The following SCN2A variants were observed in gnomAD, a reference collection of about 807,000 sequenced individuals.
The protein encoded by SCN2A is sodium channel protein type 2 subunit alpha.
A neutral mutation model predicts 188.7 loss-of-function variants in SCN2A; 20 were observed. The observed-to-expected ratio is 0.11, with a 90% confidence interval of 0.07 to 0.15. The LOEUF (loss-of-function observed/expected upper bound fraction) is 0.15. Among genes scored for constraint, SCN2A ranks in the 10% least tolerant of loss-of-function variants. SCN2A has a pLI of 1.00. For synonymous variants in SCN2A, 804 were observed against 833.1 expected (o/e 0.97, Z 0.60); for missense variants, 1,278 against 2,445.0 (o/e 0.52, Z 10.07).
chr2:165,345,485 T>A (rs1699528059), intron 16 of SCN2A, among the ~76,000 whole-genome samples: 1 of 152,162 alleles, frequency 6.6e-6, no homozygotes, highest in Admixed American at 6.6e-5. Context: ...TTCTTTGTCT[T>A]TTTTTAATCT....
At chr2:165,274,310 A>G (rs1345003435) in intron 1 of SCN2A, 1 of 151,430 alleles carries the variant, frequency 6.6e-6, no homozygotes, top group Non-Finnish European at 1.5e-5. Flanking sequence ...TAGTATATTT[A>G]TGGATTTAAC....
intron 14 of SCN2A, among the ~76,000 whole-genome samples, chr2:165,335,372 A>T (rs1369134306): frequency 4.0e-5 from 6 of 151,802 alleles, no homozygotes; most frequent in Non-Finnish European, 5.9e-5. Context: ...AAGCAAAAGT[A>T]AGCAAGATAG....
At chr2:165,250,886 A>G (rs1025169356) in intron 1 of SCN2A, among the ~76,000 whole-genome samples, 14 of 151,986 alleles carry the variant, frequency 9.2e-5, no homozygotes, top group Non-Finnish European at 1.5e-5. Context: ...GTTCTTCATC[A>G]TTTTTCTGAG....
At position 165,388,973 on chromosome 2, in the gene SCN2A, A is replaced by G; in HGVS notation, c.5167A>G (p.Ile1723Val). Residue 1723 changes from isoleucine to valine, a missense_variant, in exon 27 of 27, where the codon ATT (isoleucine) becomes GTT (valine). By Grantham distance (29) the Ile-to-Val change is conservative. This residue lies in a region of SCN2A where 47 missense variants were observed against 109.0 expected (regional missense o/e 0.43). Coordinates refer to ENST00000375437, the MANE Select transcript of SCN2A (RefSeq NM_001040142.2). ...TGGCTGGGATGGATTGCTAGCACCT[A>G]TTCTTAATAGTGGACCTCCAGACTG... ...SAGWDGLLAP[I>V]LNSGPPDCDP... The G allele has an allele frequency of 1.2e-6, 2 of 1,614,104 alleles. No individual in the cohort carries two copies. The highest frequency in any genetic ancestry group is 1.7e-6 in the Non-Finnish European group (2 of 1,180,010).
At chr2:165,379,470 T>C (rs905453795) in intron 23 of SCN2A, among the ~76,000 whole-genome samples, 6 of 151,764 alleles carry the variant, frequency 4.0e-5, no homozygotes, top group African/African-American at 1.4e-4. Context: ...CCAGCAGGGA[T>C]GATGGAGTTT....
intron 6 of SCN2A, among the ~76,000 whole-genome samples, chr2:165,309,802 G>A (rs1184055999): frequency 6.6e-6 from 1 of 152,128 alleles, no homozygotes; most frequent in Admixed American, 6.6e-5. Context: ...TTAAGCTGCA[G>A]ATAAATGAAA....
chr2:165,336,468 C>T (rs868139761), intron 14 of SCN2A, among the ~76,000 whole-genome samples: 3 of 151,860 alleles, frequency 2.0e-5, no homozygotes, highest in South Asian at 2.1e-4. Context: ...ATTAAGTGAA[C>T]AAAGCCAGTC....
chr2:165,354,873 AT>A (rs1700103362), intron 17 of SCN2A, among the ~76,000 whole-genome samples: 1 of 152,216 alleles, frequency 6.6e-6, no homozygotes, highest in African/African-American at 2.4e-5. Context: ...ATGCTGACTT[AT>A]GTTTCCAATA....
At chr2:165,250,489 TCACACACA>T (rs3029614) in intron 1 of SCN2A, among the ~76,000 whole-genome samples, 35 of 148,284 alleles carry the variant, frequency 2.4e-4, no homozygotes, top group African/African-American at 4.5e-4. Context: ...TTGCTCTATT[TCACACACA>T]CACACACACA....
intron 1 of SCN2A, chr2:165,270,394 T>G (rs1006346119): frequency 2.0e-5 from 3 of 152,084 alleles, no homozygotes; most frequent in Non-Finnish European, 2.9e-5. Flanking sequence ...GTACTAGAAT[T>G]GTAATTTAAA....
chr2:165,309,655 A>G (rs1697329215), intron 6 of SCN2A, among the ~76,000 whole-genome samples: 1 of 152,160 alleles, frequency 6.6e-6, no homozygotes, highest in African/African-American at 2.4e-5. Context: ...GAGTTTAACA[A>G]GTGTTGCATG....
chr2:165,375,394 C>T (rs958645843), intron 22 of SCN2A, among the ~76,000 whole-genome samples: 2 of 143,666 alleles, frequency 1.4e-5, no homozygotes, highest in Non-Finnish European at 3.0e-5. Context: ...TGTGTGTGTA[C>T]ATATATGTAT....
At chr2:165,241,491 C>G (rs2106049699) in intron 1 of SCN2A, among the ~76,000 whole-genome samples, 2 of 152,286 alleles carry the variant, frequency 1.3e-5, no homozygotes, top group East Asian at 3.9e-4. Context: ...TGTTCACTTA[C>G]TAGGCACAGG....
intron 16 of SCN2A, among the ~76,000 whole-genome samples, chr2:165,352,859 T>G (rs1699997359): frequency 6.6e-6 from 1 of 152,156 alleles, no homozygotes; most frequent in African/African-American, 2.4e-5. Flanking sequence ...CCCCAAGCAT[T>G]TCAAATAAGG....
intron 1 of SCN2A, among the ~76,000 whole-genome samples, chr2:165,279,076 C>G (rs1695474046): frequency 6.6e-6 from 1 of 152,160 alleles, no homozygotes; most frequent in Non-Finnish European, 1.5e-5. Flanking sequence ...AAAACTGAGT[C>G]TCTGAGAGTT....
chr2:165,289,448 C>T (rs754217248), intron 1 of SCN2A, among the ~76,000 whole-genome samples: 27 of 152,010 alleles, frequency 1.8e-4, no homozygotes, highest in Non-Finnish European at 2.9e-4. Context: ...CAAATAATAT[C>T]GTTTGCCTTT....
Position 165,390,033 on chromosome 2 carries a change from T to A in SCN2A, c.*209T>A, listed in dbSNP as rs1574755541. The A allele has an allele frequency of 6.8e-6, 5 of 734,690 alleles. No individual in the cohort carries two copies. The East Asian group carries it at 1.5e-4, about 22-fold the overall frequency. The allele number at this position is 734,690 out of a possible 1,614,324, so 45.5% of individuals were successfully genotyped here. ...CTGGAGAAATAGTATCGATGGGAGGTTTCTATTTTCACAACCAGCTGACAC... is the reference window on the plus strand; with the variant it reads ...CTGGAGAAATAGTATCGATGGGAGGATTCTATTTTCACAACCAGCTGACAC... On this transcript the variant is annotated 3_prime_UTR_variant, in exon 27 of 27. Coordinates refer to ENST00000375437, the MANE Select transcript of SCN2A (RefSeq NM_001040142.2).
At position 165,344,720 on chromosome 2, in the gene SCN2A, T is replaced by C; in HGVS notation, c.2728T>C (p.Cys910Arg). The C allele has an allele frequency of 6.2e-7, 1 of 1,614,138 alleles. No homozygotes were observed. The highest frequency in any genetic ancestry group is 8.5e-7 in the Non-Finnish European group (1 of 1,180,022). ...GCTCTTTGGTAAGAGCTACAAAGAA[T>C]GTGTCTGCAAGATTTCCAATGATTG... ...MQLFGKSYKE[C>R]VCKISNDCEL... is the part of the protein sequence containing the mutation. Residue 910 changes from cysteine to arginine, a missense_variant, in exon 16 of 27, where the codon TGT becomes CGT. Around this residue, in one of 17 missense-constraint regions of SCN2A, gnomAD observed 83 missense variants for 256.8 expected, o/e 0.32. Coordinates refer to ENST00000375437, the MANE Select transcript of SCN2A (RefSeq NM_001040142.2).
intron 1 of SCN2A, among the ~76,000 whole-genome samples, chr2:165,255,856 G>A (rs1694292019): frequency 6.6e-6 from 1 of 151,918 alleles, no homozygotes; most frequent in African/African-American, 2.4e-5. Flanking sequence ...ATATGCAGAA[G>A]ATAAGATACA....
Sources: gnomAD v4.1 joint callset for allele counts (sites outside exome capture counted in the v4.1 genomes callset) on GRCh38, gnomAD v4.1.1 for gene constraint, gnomAD v4.1.1 regional missense constraint, MANE v1.5 for transcripts, NCBI Gene and HGNC (gene_info 2026-07-23, HGNC 2026-07-21) for gene names.